Variants in NCOR1 observed in about 807,000 individuals in gnomAD.
NCOR1 encodes protein phosphatase 1, regulatory subunit 109.
In NCOR1, 63 loss-of-function variants were observed where a neutral mutation model predicts 288.1. The ratio of observed to expected loss-of-function variants is 0.22; its 90% CI spans 0.18 to 0.27. NCOR1 has a LOEUF of 0.27. Ranked by LOEUF, NCOR1 falls within the 10% of genes least tolerant of loss-of-function variation. The pLI is 1.00. For missense variants in NCOR1, 2,397 were observed against 3,019.2 expected (o/e 0.79, Z 4.83); for synonymous variants, 1,007 against 1,065.9 (o/e 0.94, Z 1.08).
At chr17:16,118,097 ATTAAC>A (rs1404111612) in intron 17 of NCOR1, 70 bp from the exon 18 acceptor site, 32 of 1,487,590 alleles carry the variant, frequency 2.2e-5, no homozygotes, top group Non-Finnish European at 1.8e-6. Flanking sequence ...GAAATAATAA[ATTAAC>A]TTAATCACTG....
At chr17:16,195,200 G>A (rs908980644) in intron 1 of NCOR1, among the ~76,000 whole-genome samples, 13 of 152,158 alleles carry the variant, frequency 8.5e-5, no homozygotes, top group African/African-American at 2.4e-4. Context: ...GGCCAGGAGC[G>A]GTGGCTACTC....
chr17:16,083,323 T>C (rs533094932), intron 23 of NCOR1, among the ~76,000 whole-genome samples: 1 of 150,500 alleles, frequency 6.6e-6, no homozygotes, highest in South Asian at 2.1e-4. Context: ...TACAGTGAGC[T>C]ATGATCACAC....
At chr17:16,169,357 ATG>A (rs2153457637) in intron 4 of NCOR1, among the ~76,000 whole-genome samples, 1 of 152,336 alleles carries the variant, frequency 6.6e-6, no homozygotes, top group African/African-American at 2.4e-5. Context: ...CAACATGAAA[ATG>A]TTAATAACTT....
In NCOR1 at chr17:16,119,406, G is replaced by C. The variant is rs1445211450; in HGVS notation, c.1915+17C>G. ...AACAAAACAAAAACCTGAGAAACCA[G>C]AACTACTACAATTTACCTTTTTTAG... On this transcript the variant is annotated intron_variant, in intron 17 of 45. Coordinates refer to ENST00000268712, the MANE Select transcript of NCOR1 (RefSeq NM_006311.4). 1.9e-6 allele frequency: 3 copies of C among 1,585,142 alleles called. No individual in the cohort carries two copies. The highest frequency in any genetic ancestry group is 2.6e-6 in the Non-Finnish European group (3 of 1,158,334).
intron 3 of NCOR1, among the ~76,000 whole-genome samples, chr17:16,180,785 T>C (rs948496804): frequency 1.4e-4 from 22 of 151,916 alleles, no homozygotes; most frequent in African/African-American, 5.3e-4. Flanking sequence ...ATACCTACAC[T>C]CCCATATTCA....
At chr17:16,151,030 A>T (rs939921334) in intron 8 of NCOR1, among the ~76,000 whole-genome samples, 41 of 151,356 alleles carry the variant, frequency 2.7e-4, no homozygotes, top group Admixed American at 4.6e-4. Context: ...AGAAATTTTT[A>T]AAAAGAAAAA....
chr17:16,195,870 A>G (rs1600371822), intron 1 of NCOR1, among the ~76,000 whole-genome samples: 2 of 152,232 alleles, frequency 1.3e-5, no homozygotes, highest in Non-Finnish European at 1.5e-5. Flanking sequence ...GTTTCAGGAT[A>G]GCACAAATGT....
At chr17:16,047,733 A>T (rs1316484175) in intron 41 of NCOR1, among the ~76,000 whole-genome samples, 1 of 152,236 alleles carries the variant, frequency 6.6e-6, no homozygotes, top group Non-Finnish European at 1.5e-5. Context: ...CCAGGCCACC[A>T]AGGATCTAGC....
chr17:16,133,114 G>C (rs2075898498), intron 14 of NCOR1, among the ~76,000 whole-genome samples: 1 of 151,918 alleles, frequency 6.6e-6, no homozygotes, highest in South Asian at 2.1e-4. Flanking sequence ...GATTATAGGT[G>C]TGCACCACCA....
At chr17:16,112,149 G>GT (rs546058372) in intron 18 of NCOR1, among the ~76,000 whole-genome samples, 94 of 152,246 alleles carry the variant, frequency 6.2e-4, no homozygotes, top group African/African-American at 2.2e-3. Context: ...GATTACAGGC[G>GT]TGAGTCCCCA....
At chr17:16,123,150 C>T (rs1598944205) in intron 15 of NCOR1, among the ~76,000 whole-genome samples, 1 of 152,130 alleles carries the variant, frequency 6.6e-6, no homozygotes, top group African/African-American at 2.4e-5. Flanking sequence ...CATATTCATC[C>T]TCACCTCTGC....
At chr17:16,126,463 G>A (rs540265533) in intron 14 of NCOR1, among the ~76,000 whole-genome samples, 4 of 151,800 alleles carry the variant, frequency 2.6e-5, no homozygotes, top group Non-Finnish European at 4.4e-5. Flanking sequence ...GATTCTACTC[G>A]GAAATCTGGG....
At chr17:16,157,441 A>C (rs960819565) in intron 6 of NCOR1, among the ~76,000 whole-genome samples, 3 of 152,208 alleles carry the variant, frequency 2.0e-5, no homozygotes, top group South Asian at 4.1e-4. Context: ...TAAATCCAAG[A>C]TCATTCCTAT....
chr17:16,143,549 A>G, intron 11 of NCOR1, 57 bp downstream of exon 11: 2 of 1,357,894 alleles, frequency 1.5e-6, no homozygotes, highest in Admixed American at 1.7e-5. Context: ...TAGCTCCTAC[A>G]GAGTTAAAAT....
intron 3 of NCOR1, among the ~76,000 whole-genome samples, chr17:16,183,339 A>T (rs1274899807): frequency 2.6e-5 from 4 of 151,798 alleles, no homozygotes; most frequent in Non-Finnish European, 5.9e-5. Flanking sequence ...CCTATGTATA[A>T]AAGTTCCCCA....
rs545892140 is a variant in NCOR1, at chr17:16,074,358, ATGGTGACAG to A, written c.3671-798_3671-790del. ...TTAGGTGGCTGCTGGGTTAAAGATG[ATGGTGACAG>A]TGGTGAATACAGAGTAATGGATGGA... On this transcript the variant is annotated intron_variant, in intron 27 of 45. Coordinates refer to ENST00000268712, the MANE Select transcript of NCOR1 (RefSeq NM_006311.4). Among the ~76,000 whole-genome samples, 201 of 152,280 alleles carry A rather than the reference ATGGTGACAG, an allele frequency of 1.3e-3. 1 individual carries two copies. Among genetic ancestry groups the A allele is most frequent in the African/African-American group, 4.6e-3 (191 of 41,556 alleles).
intron 1 of NCOR1, among the ~76,000 whole-genome samples, chr17:16,208,192 C>A (rs971788373): frequency 3.4e-5 from 5 of 147,776 alleles, no homozygotes; most frequent in Non-Finnish European, 7.4e-5. Flanking sequence ...AGGCGCGTGC[C>A]ACCATGCCCA....
In NCOR1 at chr17:16,062,253, G is replaced by A. The variant is rs747836235; in HGVS notation, c.5239C>T (p.Arg1747Ter). 6.2e-7 allele frequency: 1 copy of A among 1,608,988 alleles called. No individual in the cohort carries two copies. Among genetic ancestry groups the A allele is most frequent in the Non-Finnish European group, 8.5e-7 (1 of 1,178,918 alleles). ...YLRPGSEQPG[R>*]PGSHGYVRSP... The stretch of plus-strand genomic sequence containing the variant: ...CGAACATATCCATGACTGCCAGGTC[G>A]GCCAGGCTGTTCTGAGCCTGCAGAG... Residue 1747 changes from arginine (R) to a stop codon, truncating the protein, a stop_gained, in exon 36 of 46, where the codon CGA becomes TGA. Transcript: ENST00000268712. LOFTEE classifies it high-confidence loss of function.
At chr17:16,152,098 T>TAC in intron 7 of NCOR1, 100 bp from the exon 8 acceptor site, 2 of 636,658 alleles carry the variant, frequency 3.1e-6, no homozygotes, top group South Asian at 3.1e-5. Flanking sequence ...AAAGTACTAA[T>TAC]GGATCTACAC....
Sources: allele counts gnomAD v4.1 joint callset (sites outside exome capture counted in the v4.1 genomes callset), GRCh38; gene constraint gnomAD v4.1.1; transcripts MANE v1.5; gene names NCBI Gene and HGNC (gene_info 2026-07-23, HGNC 2026-07-21).